RLN2: variants seen among roughly 807,000 people sequenced by gnomAD.
RLN2 encodes the protein prorelaxin H2.
In RLN2, 10 loss-of-function variants were observed where a neutral mutation model predicts 7.3. That is an observed-to-expected ratio of 1.36 (90% CI 0.84 to 2.31). RLN2 has a LOEUF of 2.31. RLN2 is among the 30% of genes most tolerant of loss of function. The probability of loss-of-function intolerance (pLI) is 0.00; values close to 1 mark genes in which losing one functional copy is unlikely to be tolerated. For missense variants in RLN2, 298 were observed against 217.6 expected (o/e 1.37, Z -2.32); for synonymous variants, 103 against 82.3 (o/e 1.25, Z -1.36).
the RLN2 span, among the ~76,000 whole-genome samples, chr9:5,316,316 T>C: frequency 6.7e-6 from 1 of 149,838 alleles, no homozygotes; most frequent in Non-Finnish European, 1.5e-5. Context: ...TTTCTCTTTT[T>C]TTTATTACAC....
chr9:5,328,969 T>A, the RLN2 span, among the ~76,000 whole-genome samples: 2 of 152,022 alleles, frequency 1.3e-5, no homozygotes, highest in Non-Finnish European at 2.9e-5. Context: ...TACCAGCCAC[T>A]GCAAAAACGT....
At chr9:5,328,316 T>C in the RLN2 span, among the ~76,000 whole-genome samples, 2 of 151,988 alleles carry the variant, frequency 1.3e-5, no homozygotes, top group South Asian at 2.1e-4. Context: ...ATATCAGTGA[T>C]TGAAGATCAA....
the RLN2 span, among the ~76,000 whole-genome samples, chr9:5,331,671 G>T: frequency 6.7e-6 from 1 of 150,098 alleles, no homozygotes; most frequent in Non-Finnish European, 1.5e-5. Flanking sequence ...ATCTAGGGGG[G>T]TGGGGGGCTG....
chr9:5,307,193 G>C (rs922179550), upstream of RLN2, among the ~76,000 whole-genome samples: 1 of 151,432 alleles, frequency 6.6e-6, no homozygotes, highest in Non-Finnish European at 1.5e-5. Context: ...ACTTTTTAAG[G>C]TTTTTCTGTT....
chr9:5,319,712 A>G, the RLN2 span, among the ~76,000 whole-genome samples: 24 of 152,156 alleles, frequency 1.6e-4, no homozygotes, highest in Admixed American at 4.6e-4. Flanking sequence ...AATTACTGGT[A>G]TTTCAATTCT....
the RLN2 span, among the ~76,000 whole-genome samples, chr9:5,335,773 C>A: frequency 6.6e-6 from 1 of 152,002 alleles, no homozygotes; most frequent in Non-Finnish European, 1.5e-5. Flanking sequence ...CAGTTGGACA[C>A]CTTAAAGTAC....
chr9:5,327,214 T>C, the RLN2 span, among the ~76,000 whole-genome samples: 1 of 151,950 alleles, frequency 6.6e-6, no homozygotes, highest in African/African-American at 2.4e-5. Context: ...TTTCCAACAG[T>C]CTTAGCAACC....
At chr9:5,321,877 G>A in the RLN2 span, among the ~76,000 whole-genome samples, 1 of 152,018 alleles carries the variant, frequency 6.6e-6, no homozygotes, top group Non-Finnish European at 1.5e-5. Flanking sequence ...TCAGTACACT[G>A]GAGTTTGTGA....
At chr9:5,311,230 A>G in the RLN2 span, among the ~76,000 whole-genome samples, 11 of 151,980 alleles carry the variant, frequency 7.2e-5, no homozygotes, top group African/African-American at 2.7e-4. Flanking sequence ...AAACCAAGAT[A>G]TTTTGAAGAA....
At chr9:5,313,173 C>T in the RLN2 span, among the ~76,000 whole-genome samples, 2 of 152,124 alleles carry the variant, frequency 1.3e-5, no homozygotes, top group African/African-American at 4.8e-5. Flanking sequence ...AAGTGAGATA[C>T]TGAAGTCTTC....
At chr9:5,313,145 TG>T in the RLN2 span, among the ~76,000 whole-genome samples, 48 of 152,104 alleles carry the variant, frequency 3.2e-4, no homozygotes, top group Middle Eastern at 0.01. Context: ...TCTATCTAGA[TG>T]ATTTTTGTGT....
chr9:5,321,568 T>C, the RLN2 span, among the ~76,000 whole-genome samples: 672 of 151,436 alleles, frequency 4.4e-3, 6 homozygotes, highest in African/African-American at 0.015. Flanking sequence ...CAAATATTTG[T>C]TGAAAAAAGG....
chr9:5,322,405 A>G, the RLN2 span, among the ~76,000 whole-genome samples: 5 of 152,032 alleles, frequency 3.3e-5, no homozygotes, highest in African/African-American at 1.2e-4. Context: ...TTTAATAGTT[A>G]CTGAACTACA....
chr9:5,313,140 C>G, the RLN2 span, among the ~76,000 whole-genome samples: 1 of 151,874 alleles, frequency 6.6e-6, no homozygotes, highest in African/African-American at 2.4e-5. Context: ...TATTTTCTAT[C>G]TAGATGATTT....
At chr9:5,317,434 AG>A in the RLN2 span, among the ~76,000 whole-genome samples, 3 of 147,406 alleles carry the variant, frequency 2.0e-5, no homozygotes, top group African/African-American at 7.7e-5. Flanking sequence ...CCTGGGCAAC[AG>A]AGTGAGACTC....
upstream of RLN2, among the ~76,000 whole-genome samples, chr9:5,305,898 C>A (rs1476389612): frequency 6.6e-6 from 1 of 151,866 alleles, no homozygotes; most frequent in Non-Finnish European, 1.5e-5. Context: ...AATACCTGAC[C>A]AAGACTATGA....
the RLN2 span, among the ~76,000 whole-genome samples, chr9:5,327,862 A>T: frequency 2.6e-5 from 4 of 152,050 alleles, no homozygotes; most frequent in Non-Finnish European, 5.9e-5. Flanking sequence ...AATGAATAGC[A>T]TCAACATCAA....
the RLN2 span, among the ~76,000 whole-genome samples, chr9:5,324,047 A>AAAATAAAT: frequency 1.3e-5 from 2 of 151,812 alleles, no homozygotes; most frequent in African/African-American, 2.4e-5. Flanking sequence ...ACTCTGTCTC[A>AAAATAAAT]AAATAAATAA....
chr9:5,306,214 T>G (rs1335010054), upstream of RLN2, among the ~76,000 whole-genome samples: 1 of 150,872 alleles, frequency 6.6e-6, no homozygotes, highest in Non-Finnish European at 1.5e-5. Flanking sequence ...TTCAAGCAAT[T>G]CTCCTGCCTC....
Sources: gnomAD v4.1 joint callset for allele counts (sites outside exome capture counted in the v4.1 genomes callset) on GRCh38, gnomAD v4.1.1 for gene constraint, MANE v1.5 for transcripts, NCBI Gene and HGNC (gene_info 2026-07-23, HGNC 2026-07-21) for gene names.